Variants in TP53I3 observed in about 807,000 individuals in gnomAD.
The protein encoded by TP53I3 is tumor protein p53 inducible protein 3, also known as quinone oxidoreductase PIG3.
Under a neutral mutation model 27.7 loss-of-function variants are expected in TP53I3, and 32 were observed. The ratio of observed to expected loss-of-function variants is 1.16; its 90% CI spans 0.87 to 1.55. The LOEUF is 1.55. TP53I3 is among the 40% of genes most tolerant of loss of function. TP53I3 has a pLI of 0.00. For missense variants in TP53I3, 372 were observed against 412.3 expected (o/e 0.90, Z 0.85); for synonymous variants, 138 against 167.8 (o/e 0.82, Z 1.37).
chr2:24,083,874 T>A (rs1381754178), intron 1 of TP53I3, among the ~76,000 whole-genome samples: 1 of 152,144 alleles, frequency 6.6e-6, no homozygotes, highest in Non-Finnish European at 1.5e-5. Flanking sequence ...TTTCCTTATC[T>A]GTAGAATTAA....
At position 24,083,038 on chromosome 2, in the gene TP53I3, T is replaced by C. The variant is rs753657713; in HGVS notation, c.253A>G (p.Thr85Ala). ...GCQGHWKIGD[T>A]AMALLPGGGQ... ...CCACCGGGGAGCAGAGCCATGGCTGTGTCCCCGATCTTCCAGTGTCCCTGG... is the reference window on the plus strand; with the variant it reads ...CCACCGGGGAGCAGAGCCATGGCTGCGTCCCCGATCTTCCAGTGTCCCTGG... The change falls in exon 2 of 5, where the codon ACA becomes GCA. Residue 85 changes from threonine to alanine, a missense_variant. By Grantham distance (58) the Thr-to-Ala change is moderately conservative (BLOSUM62 0). Coordinates refer to ENST00000238721, the MANE Select transcript of TP53I3 (RefSeq NM_004881.5). The C allele has an allele frequency of 6.2e-7, 1 of 1,614,196 alleles. No individual in the cohort carries two copies. Among genetic ancestry groups the C allele is most frequent in the South Asian group, 1.1e-5 (1 of 91,090 alleles).
chr2:24,081,780 AC>A (rs1286609978), intron 2 of TP53I3, among the ~76,000 whole-genome samples: 8 of 118,440 alleles, frequency 6.8e-5, no homozygotes, highest in African/African-American at 2.3e-4. Context: ...GCTCTGCCCC[AC>A]CCCCCCTGCG....
At position 24,080,796 on chromosome 2, in the gene TP53I3, G is replaced by T; in HGVS notation, c.619+23C>A. On this transcript the variant is annotated intron_variant, in intron 3 of 4. Transcript: ENST00000238721. The surrounding 1 kb of genome is among the most constrained non-coding windows in gnomAD (Gnocchi z 4.7). ...TTTAATCATCTCTTAAATTCCTGCT[G>T]AACTGTAGAAGCAGTTGTTTACCTT... 1 of 1,613,044 alleles carries T rather than the reference G, an allele frequency of 6.2e-7. No homozygotes were observed. The highest frequency in any genetic ancestry group is 1.1e-5 in the South Asian group (1 of 91,032).
At chr2:24,083,723 G>A (rs546810418) in intron 1 of TP53I3, among the ~76,000 whole-genome samples, 1 of 152,288 alleles carries the variant, frequency 6.6e-6, no homozygotes, top group South Asian at 2.1e-4. Flanking sequence ...TAAGAGTACT[G>A]CCCGCTGTCA....
chr2:24,080,795 T>A lies in TP53I3; in HGVS notation c.619+24A>T, dbSNP rs765163231. The A allele has an allele frequency of 2.5e-6, 4 of 1,613,314 alleles. No homozygotes were observed. In the South Asian group the frequency reaches 4.4e-5, roughly 18 times the overall value. On this transcript the variant is annotated intron_variant, in intron 3 of 4. Transcript: ENST00000238721. This position sits in a 1 kb window ranked among gnomAD's most constrained non-coding sequence, Gnocchi z 4.7. ...ATTTAATCATCTCTTAAATTCCTGC[T>A]GAACTGTAGAAGCAGTTGTTTACCT...
rs563886323 is a variant in TP53I3 at position 24,081,987 on chromosome 2, G to A, written c.406+898C>T. Among the ~76,000 whole-genome samples the A allele has an allele frequency of 8.1e-4, 123 of 151,192 alleles. 1 individual carries two copies. The highest frequency in any genetic ancestry group is 2.5e-3 in the African/African-American group (102 of 41,142). On this transcript the variant is annotated intron_variant, in intron 2 of 4. Coordinates refer to ENST00000238721, the MANE Select transcript of TP53I3 (RefSeq NM_004881.5). ...TGGGATTACAGGCGTGAGCCACCAC[G>A]CCCAGCCTACTCTTTCTTTTTCTTT... is the stretch of plus-strand genomic sequence containing the variant.
In TP53I3 at chr2:24,077,825, C is replaced by T; in HGVS notation, c.817-64G>A. On this transcript the variant is annotated intron_variant, in intron 4 of 4. Coordinates refer to ENST00000238721, the MANE Select transcript of TP53I3 (RefSeq NM_004881.5). This position sits in a 1 kb window ranked among gnomAD's most constrained non-coding sequence, Gnocchi z 5.5. ...AGCCTCACCCTGCCCTCCTCATCCT[C>T]CTCAGCCTTCTTGCTCTCTCTGAAG... 8 of 1,540,990 alleles carry T rather than the reference C, an allele frequency of 5.2e-6. No individual in the cohort carries two copies. Among genetic ancestry groups the T allele is most frequent in the Non-Finnish European group, 6.1e-6 (7 of 1,138,948 alleles).
Position 24,081,043 on chromosome 2 carries a change from A to G in TP53I3, c.407-12T>C. 3 of 1,607,734 alleles carry G rather than the reference A, an allele frequency of 1.9e-6. No individual in the cohort carries two copies. The highest frequency in any genetic ancestry group is 2.6e-6 in the Non-Finnish European group (3 of 1,175,216). ...AGCCTGAACATTTCCTGTGACAGAA[A>G]GTACAGGGTTCTCTTTACTTTGCAA... On this transcript the variant is annotated splice_polypyrimidine_tract_variant and intron_variant, in intron 2 of 4. Transcript: ENST00000238721.
At chr2:24,081,196 G>A (rs36058918) in intron 2 of TP53I3, among the ~76,000 whole-genome samples, 165 bp from the exon 3 acceptor site, 7,192 of 151,174 alleles carry the variant, frequency 0.048, 232 homozygotes, top group East Asian at 0.072. Context: ...GGGGTGGGAC[G>A]CTGTGACTCA....
rs768541315 is a variant in TP53I3, at chr2:24,080,753, A to G, written c.619+66T>C. On this transcript the variant is annotated intron_variant, in intron 3 of 4. Coordinates refer to ENST00000238721, the MANE Select transcript of TP53I3 (RefSeq NM_004881.5). The surrounding 1 kb of genome is among the most constrained non-coding windows in gnomAD (Gnocchi z 4.7). ...CTGATACACAGCACTGGCAACTTTG[A>G]GACTGGTGGGGCTTTTATTTAATCA... 2 of 1,599,544 alleles carry G rather than the reference A, an allele frequency of 1.3e-6. No homozygotes were observed. Among genetic ancestry groups the G allele is most frequent in the Non-Finnish European group, 1.7e-6 (2 of 1,168,938 alleles).
chr2:24,084,553 C>G lies in TP53I3; in HGVS notation c.-227G>C. The G allele has an allele frequency of 1.9e-6, 1 of 528,722 alleles. No homozygotes were observed. Among genetic ancestry groups the G allele is most frequent in the South Asian group, 3.0e-5 (1 of 32,954 alleles). 32.8% of individuals were successfully genotyped at this position (528,722 alleles called of 1,614,324 possible). A position where few individuals can be genotyped will look rare whatever the true frequency, so the allele number is the denominator to read the frequency against. The stretch of plus-strand genomic sequence containing the variant: ...AGCTCCTGCCTGGGAAGTCCTCGGC[C>G]GCCTCCAGACCGATCCCACCCGGAA... On this transcript the variant is annotated 5_prime_UTR_variant, in exon 1 of 5. Transcript: ENST00000238721. The surrounding 1 kb of genome is among the most constrained non-coding windows in gnomAD (Gnocchi z 8.4).
intron 4 of TP53I3, 94 bp downstream of exon 4, chr2:24,079,350 G>T: frequency 1.5e-6 from 2 of 1,376,886 alleles, no homozygotes; most frequent in East Asian, 2.3e-5. Flanking sequence ...ACTAACCTCC[G>T]TAATCTAAGG....
In TP53I3 at chr2:24,083,058, C is replaced by T; in HGVS notation, c.233G>A (p.Gly78Glu). 6.2e-7 allele frequency: 1 copy of T among 1,614,178 alleles called. No individual in the cohort carries two copies. Among genetic ancestry groups the T allele is most frequent in the Non-Finnish European group, 8.5e-7 (1 of 1,180,030 alleles). The change falls in exon 2 of 5, where the codon GGA becomes GAA. Residue 78 changes from glycine to glutamate, a missense_variant. Coordinates refer to ENST00000238721, the MANE Select transcript of TP53I3 (RefSeq NM_004881.5). ...GGCTGTGTCCCCGATCTTCCAGTGT[C>T]CCTGGCAGCCAGGCCCCAGCTCTGC... Reference protein sequence around the residue: ...HVAELGPGCQGHWKIGDTAMA... With the variant: ...HVAELGPGCQEHWKIGDTAMA...
chr2:24,077,906 T>C lies in TP53I3; in HGVS notation c.817-145A>G. ...TTAACCCCTCACTTCCTAGCATGTG[T>C]GTGAAATACCCTTGAAGGAGTCATG... On this transcript the variant is annotated intron_variant, in intron 4 of 4. Transcript: ENST00000238721. The surrounding 1 kb of genome is among the most constrained non-coding windows in gnomAD (Gnocchi z 5.5). 1.2e-6 allele frequency: 1 copy of C among 806,242 alleles called. No homozygotes were observed. The highest frequency in any genetic ancestry group is 1.9e-6 in the Non-Finnish European group (1 of 516,590). 49.9% of individuals were successfully genotyped at this position (806,242 alleles called of 1,614,324 possible).
Position 24,084,141 on chromosome 2 carries a change from G to C in TP53I3, c.138+48C>G. Reference sequence around the variant, plus strand: ...AATGTCCACTGAGTGCTGTTGAGAGGGAGGCTCTGGAGTCCCGCCCGCCCC... The same window carrying C: ...AATGTCCACTGAGTGCTGTTGAGAGCGAGGCTCTGGAGTCCCGCCCGCCCC... On this transcript the variant is annotated intron_variant, in intron 1 of 4. Coordinates refer to ENST00000238721, the MANE Select transcript of TP53I3 (RefSeq NM_004881.5). This position sits in a 1 kb window ranked among gnomAD's most constrained non-coding sequence, Gnocchi z 8.4. 1.3e-6 allele frequency: 2 copies of C among 1,572,588 alleles called. No homozygotes were observed. The highest frequency in any genetic ancestry group is 1.7e-6 in the Non-Finnish European group (2 of 1,163,324).
At position 24,079,580 on chromosome 2, in the gene TP53I3, T is replaced by C. The variant is rs1573716178; in HGVS notation, c.680A>G (p.Asn227Ser). ...CCATCGACCATCAAGAGCCAGGCAGTTGACGTTCTTCTCCCAGTAGGATCC... is the reference window on the plus strand; with the variant it reads ...CCATCGACCATCAAGAGCCAGGCAGCTGACGTTCTTCTCCCAGTAGGATCC... ...IGGSYWEKNV[N>S]CLALDGRWVL... is the part of the protein sequence containing the mutation. Residue 227 changes from asparagine (N) to serine (S), a missense_variant, in exon 4 of 5, where the codon AAC becomes AGC. Transcript: ENST00000238721. 6.2e-7 allele frequency: 1 copy of C among 1,614,028 alleles called. No individual in the cohort carries two copies. The highest frequency in any genetic ancestry group is 8.5e-7 in the Non-Finnish European group (1 of 1,179,994).
At chr2:24,082,747 A>G (rs1665060884) in intron 2 of TP53I3, 138 bp downstream of exon 2, 1 of 1,219,142 alleles carries the variant, frequency 8.2e-7, no homozygotes, top group African/African-American at 1.5e-5. Context: ...AAACCCTTCT[A>G]ACATGGTTTG....
chr2:24,083,700 A>G (rs1208929727), intron 1 of TP53I3, among the ~76,000 whole-genome samples: 1 of 152,208 alleles, frequency 6.6e-6, no homozygotes, highest in South Asian at 2.1e-4. Context: ...AGCATCAGAC[A>G]GAAGAAAATT....
chr2:24,077,733 G>T lies in TP53I3; in HGVS notation c.845C>A (p.Thr282Lys), dbSNP rs1265372472. 3.1e-6 allele frequency: 5 copies of T among 1,613,794 alleles called. No individual in the cohort carries two copies. In the African/African-American group the frequency reaches 6.7e-5, roughly 22 times the overall value. The change falls in exon 5 of 5, where the codon ACG (threonine) becomes AAG (lysine). Residue 282 changes from threonine to lysine, a missense_variant. Physicochemically the swap from Thr to Lys is moderately conservative, Grantham distance 78. Coordinates refer to ENST00000238721, the MANE Select transcript of TP53I3 (RefSeq NM_004881.5). This position sits in a 1 kb window ranked among gnomAD's most constrained non-coding sequence, Gnocchi z 5.5. ...KYKQMLVNAF[T>K]EQILPHFSTE... ...GGAGAAGTGAGGCAGAATTTGCTCC[G>T]TGAAAGCATTCACCAGCATTTGCTT...
Sources: gnomAD v4.1 joint callset for allele counts (sites outside exome capture counted in the v4.1 genomes callset) on GRCh38, gnomAD v4.1.1 for gene constraint, Gnocchi (gnomAD v3.1) non-coding constraint, MANE v1.5 for transcripts, NCBI Gene and HGNC (gene_info 2026-07-23, HGNC 2026-07-21) for gene names.